Variants in B3GALT1 observed in about 807,000 individuals in gnomAD.
The protein encoded by B3GALT1 is beta-1,3-galactosyltransferase 1.
A neutral mutation model predicts 23.2 loss-of-function variants in B3GALT1; 10 were observed. The ratio of observed to expected loss-of-function variants is 0.43; its 90% confidence interval spans 0.27 to 0.73. The LOEUF is 0.73. Among genes scored for constraint, B3GALT1 ranks in the 30% least tolerant of loss-of-function variants. The pLI, the probability that B3GALT1 is intolerant of heterozygous loss-of-function variation, is 0.21. For missense variants in B3GALT1, 299 were observed against 405.4 expected (o/e 0.74, Z 2.25); for synonymous variants, 156 against 141.5 (o/e 1.10, Z -0.73).
chr2:167,454,229 G>A (rs1345024525), intron 1 of B3GALT1, among the ~76,000 whole-genome samples: 1 of 138,512 alleles, frequency 7.2e-6, no homozygotes, highest in East Asian at 1.9e-4. Context: ...GCGCGTGCAC[G>A]TGTGTGCATG....
chr2:167,803,663 G>A (rs976625424), intron 3 of B3GALT1, among the ~76,000 whole-genome samples: 1 of 152,144 alleles, frequency 6.6e-6, no homozygotes, highest in Admixed American at 6.5e-5. Context: ...TTAGCAGATG[G>A]TTTTCCTGTG....
intron 1 of B3GALT1, among the ~76,000 whole-genome samples, chr2:167,439,363 T>C (rs1195050884): frequency 6.6e-6 from 1 of 152,220 alleles, no homozygotes; most frequent in Non-Finnish European, 1.5e-5. Context: ...CTGTTCTTTT[T>C]TCTATTCATA....
chr2:167,398,334 T>A (rs763170119), intron 1 of B3GALT1, among the ~76,000 whole-genome samples: 9 of 152,214 alleles, frequency 5.9e-5, no homozygotes, highest in Non-Finnish European at 8.8e-5. Context: ...GATTTGTTTT[T>A]GCCCCTTTCT....
intron 3 of B3GALT1, among the ~76,000 whole-genome samples, chr2:167,686,082 C>T (rs1558948752): frequency 6.6e-6 from 1 of 152,134 alleles, no homozygotes. Context: ...TTTAACCCTG[C>T]TTTGACTTGC....
At chr2:167,483,936 C>G (rs970484824) in intron 1 of B3GALT1, among the ~76,000 whole-genome samples, 6 of 152,182 alleles carry the variant, frequency 3.9e-5, no homozygotes, top group African/African-American at 1.4e-4. Context: ...CCAAAACCCT[C>G]TGTCTCTATT....
chr2:167,828,577 A>G (rs1247769457), intron 4 of B3GALT1, among the ~76,000 whole-genome samples: 4 of 152,228 alleles, frequency 2.6e-5, no homozygotes, highest in Non-Finnish European at 5.9e-5. Context: ...CTCTCAGGAA[A>G]GCAAATCAAT....
chr2:167,621,886 A>G (rs1049223854), intron 2 of B3GALT1, among the ~76,000 whole-genome samples: 1 of 151,984 alleles, frequency 6.6e-6, no homozygotes, highest in Non-Finnish European at 1.5e-5. Flanking sequence ...CCTTTCCACC[A>G]TGACTGTATG....
At position 167,860,288 on chromosome 2, in the gene B3GALT1, T is replaced by G. The variant is rs539946633; in HGVS notation, c.-229-8523T>G. On this transcript the variant is annotated intron_variant, in intron 4 of 4. Transcript: ENST00000392690. ...TCAGAAAGGATCTCTTTTCCCCTTT[T>G]CAATATCATGATGTACTGCACAGCC... Among the ~76,000 whole-genome samples, 25 of 152,300 alleles carry G rather than the reference T, an allele frequency of 1.6e-4. No individual in the cohort carries two copies. The South Asian group carries it at 2.1e-3, about 13-fold the overall frequency.
At chr2:167,577,672 A>G (rs1336836352) in intron 2 of B3GALT1, among the ~76,000 whole-genome samples, 1 of 151,672 alleles carries the variant, frequency 6.6e-6, no homozygotes, top group East Asian at 1.9e-4. Flanking sequence ...CATATTTCTG[A>G]TTTGTATGTA....
intron 1 of B3GALT1, among the ~76,000 whole-genome samples, chr2:167,433,905 G>A (rs1698740303): frequency 6.6e-6 from 1 of 152,110 alleles, no homozygotes; most frequent in Non-Finnish European, 1.5e-5. Context: ...TCCAACCTGG[G>A]TGACAGAGCA....
chr2:167,732,809 T>C (rs10173035), intron 3 of B3GALT1, among the ~76,000 whole-genome samples: 23,459 of 152,138 alleles, frequency 0.15, 1,963 homozygotes, highest in East Asian at 0.3. Flanking sequence ...GATAATTAAA[T>C]GGAAGGAAAA....
intron 2 of B3GALT1, among the ~76,000 whole-genome samples, chr2:167,515,153 A>G (rs1700081230): frequency 6.6e-6 from 1 of 152,146 alleles, no homozygotes; most frequent in African/African-American, 2.4e-5. Flanking sequence ...TCAAAATAAT[A>G]TTGGGAAACA....
At chr2:167,330,267 G>A (rs1696952537) in intron 1 of B3GALT1, among the ~76,000 whole-genome samples, 1 of 151,412 alleles carries the variant, frequency 6.6e-6, no homozygotes, top group Admixed American at 6.6e-5. Context: ...CTCTGTTCAT[G>A]TTCTGAGATT....
At chr2:167,332,310 C>T (rs549798942) in intron 1 of B3GALT1, among the ~76,000 whole-genome samples, 1 of 152,170 alleles carries the variant, frequency 6.6e-6, no homozygotes, top group South Asian at 2.1e-4. Context: ...CCAACAAGAA[C>T]GATTTTTACC....
At chr2:167,411,011 A>G (rs1212696481) in intron 1 of B3GALT1, among the ~76,000 whole-genome samples, 1 of 152,072 alleles carries the variant, frequency 6.6e-6, no homozygotes, top group Admixed American at 6.6e-5. Flanking sequence ...TTTTATAAAG[A>G]TACCCATACA....
At position 167,762,283 on chromosome 2, in the gene B3GALT1, A is replaced by G. The variant is rs566350554; in HGVS notation, c.-351-56389A>G. Among the ~76,000 whole-genome samples the G allele has an allele frequency of 4.8e-4, 73 of 152,346 alleles. No individual in the cohort carries two copies. The South Asian group carries it at 6.4e-3, about 13-fold the overall frequency. Reference sequence around the variant, plus strand: ...ATTTAAAACAATACCAATACATACAAGAAATTCAGATTACTAGACCAAGAA... The same window carrying G: ...ATTTAAAACAATACCAATACATACAGGAAATTCAGATTACTAGACCAAGAA... On this transcript the variant is annotated intron_variant, in intron 3 of 4. Transcript: ENST00000392690.
chr2:167,366,720 C>T (rs773933054), intron 1 of B3GALT1, among the ~76,000 whole-genome samples: 1 of 152,212 alleles, frequency 6.6e-6, no homozygotes, highest in African/African-American at 2.4e-5. Flanking sequence ...TCAGCTAGCT[C>T]AACTCAGCCG....
chr2:167,742,138 C>T (rs1687586022), intron 3 of B3GALT1, among the ~76,000 whole-genome samples: 1 of 152,178 alleles, frequency 6.6e-6, no homozygotes, highest in Non-Finnish European at 1.5e-5. Context: ...GGAGTCCTTA[C>T]CGGAAGGTCA....
intron 3 of B3GALT1, among the ~76,000 whole-genome samples, chr2:167,703,997 C>A (rs1823296): frequency 1.1e-4 from 17 of 151,470 alleles, no homozygotes; most frequent in East Asian, 1.9e-4. Context: ...CTGGCTAACA[C>A]GGTGAAACCC....
Sources: gnomAD v4.1 joint callset for allele counts (sites outside exome capture counted in the v4.1 genomes callset) on GRCh38, gnomAD v4.1.1 for gene constraint, MANE v1.5 for transcripts, NCBI Gene and HGNC (gene_info 2026-07-23, HGNC 2026-07-21) for gene names.